FSTL5: variants seen among roughly 807,000 people sequenced by gnomAD.
FSTL5 encodes follistatin-related protein 5.
Under a neutral mutation model 89.1 loss-of-function variants are expected in FSTL5, and 62 were observed. The ratio of observed to expected loss-of-function variants is 0.70; its 90% CI spans 0.57 to 0.86. The LOEUF (loss-of-function observed/expected upper bound fraction) is 0.86, where lower values mean the gene tolerates loss of function less well. FSTL5 is among the 40% of genes least tolerant of loss of function. The pLI, the probability that FSTL5 is intolerant of heterozygous loss-of-function variation, is 0.00. For missense variants in FSTL5, 1,057 were observed against 1,001.6 expected (o/e 1.06, Z -0.75); for synonymous variants, 383 against 346.2 (o/e 1.11, Z -1.18).
At chr4:161,920,740 T>C (rs368079572) in intron 3 of FSTL5, 88 bp from the exon 4 acceptor site, 13 of 1,326,030 alleles carry the variant, frequency 9.8e-6, no homozygotes, top group South Asian at 8.9e-5. Context: ...AAAACAAGTG[T>C]TCTAAGAAAA....
chr4:161,562,618 T>C (rs1250307265), intron 8 of FSTL5, among the ~76,000 whole-genome samples: 1 of 114,398 alleles, frequency 8.7e-6, no homozygotes, highest in Non-Finnish European at 2.0e-5. Flanking sequence ...TTTTTCCTAA[T>C]ATTGTTTTTT....
chr4:161,860,105 A>G (rs34951811), intron 4 of FSTL5, among the ~76,000 whole-genome samples: 66,718 of 151,388 alleles, frequency 0.44, 15,103 homozygotes, highest in Admixed American at 0.51. Flanking sequence ...TGGCTAGCGC[A>G]GTGAAACCCC....
intron 2 of FSTL5, among the ~76,000 whole-genome samples, chr4:162,053,098 C>T (rs1347003340): frequency 6.6e-6 from 1 of 151,640 alleles, no homozygotes; most frequent in Non-Finnish European, 1.5e-5. Context: ...ATTATAGACA[C>T]TTGTCTGTGT....
intron 7 of FSTL5, among the ~76,000 whole-genome samples, chr4:161,591,279 A>T (rs1188062648): frequency 6.6e-6 from 1 of 152,176 alleles, no homozygotes; most frequent in Non-Finnish European, 1.5e-5. Context: ...GACATAGAAG[A>T]CGGATTTGTG....
intron 3 of FSTL5, among the ~76,000 whole-genome samples, chr4:162,015,567 T>TG (rs199525741): frequency 6.6e-6 from 1 of 152,134 alleles, no homozygotes; most frequent in Admixed American, 6.5e-5. Flanking sequence ...TAATGGGATA[T>TG]GGGGGGTGAT....
chr4:161,583,901 C>G (rs1443859092), intron 8 of FSTL5, among the ~76,000 whole-genome samples: 1 of 152,166 alleles, frequency 6.6e-6, no homozygotes, highest in Non-Finnish European at 1.5e-5. Flanking sequence ...ATCATGTCCT[C>G]TCTTGTGTCC....
intron 2 of FSTL5, among the ~76,000 whole-genome samples, chr4:162,094,634 T>A (rs908355331): frequency 6.6e-6 from 1 of 152,172 alleles, no homozygotes; most frequent in Non-Finnish European, 1.5e-5. Context: ...ACTGTAGGAT[T>A]CTATTTATTC....
At chr4:162,132,982 G>A (rs947063556) in intron 1 of FSTL5, among the ~76,000 whole-genome samples, 9 of 152,084 alleles carry the variant, frequency 5.9e-5, no homozygotes, top group African/African-American at 2.2e-4. Flanking sequence ...TCGCTCTGTC[G>A]CCCAGGCTGG....
At chr4:162,067,658 C>G (rs1339571692) in intron 2 of FSTL5, among the ~76,000 whole-genome samples, 1 of 152,026 alleles carries the variant, frequency 6.6e-6, no homozygotes, top group Admixed American at 6.6e-5. Context: ...ACAAAGATGA[C>G]CTCTCTTACC....
intron 14 of FSTL5, among the ~76,000 whole-genome samples, 190 bp downstream of exon 14, chr4:161,459,022 T>C (rs1290416798): frequency 6.6e-6 from 1 of 150,606 alleles, no homozygotes; most frequent in African/African-American, 2.5e-5. Flanking sequence ...ATACACATTA[T>C]CTATGATTTT....
At chr4:161,497,524 G>T (rs995471251) in intron 12 of FSTL5, among the ~76,000 whole-genome samples, 7 of 151,946 alleles carry the variant, frequency 4.6e-5, no homozygotes, top group African/African-American at 1.2e-4. Flanking sequence ...AATACTATTT[G>T]ATAGTTTTCT....
chr4:161,631,226 T>C (rs1411703098), intron 7 of FSTL5, among the ~76,000 whole-genome samples: 1 of 152,252 alleles, frequency 6.6e-6, no homozygotes, highest in Non-Finnish European at 1.5e-5. Flanking sequence ...AGTTTTCTCA[T>C]ATTCCTTTAG....
At chr4:161,952,300 A>C (rs186659491) in intron 3 of FSTL5, among the ~76,000 whole-genome samples, 8 of 152,114 alleles carry the variant, frequency 5.3e-5, no homozygotes, top group African/African-American at 1.4e-4. Flanking sequence ...AATATGCCTC[A>C]AGGGAACTAG....
intron 1 of FSTL5, among the ~76,000 whole-genome samples, chr4:162,141,319 G>A (rs1732736618): frequency 1.2e-5 from 1 of 84,514 alleles, no homozygotes; most frequent in African/African-American, 3.9e-5. Flanking sequence ...GTTTCACCAT[G>A]TTAGCCAGGA....
intron 4 of FSTL5, among the ~76,000 whole-genome samples, chr4:161,847,889 A>G (rs1731419076): frequency 6.6e-6 from 1 of 151,734 alleles, no homozygotes; most frequent in Admixed American, 6.6e-5. Context: ...TACAAAAATT[A>G]TCTGGGTGTG....
chr4:162,086,453 A>G (rs1206333367), intron 2 of FSTL5, among the ~76,000 whole-genome samples: 1 of 151,718 alleles, frequency 6.6e-6, no homozygotes, highest in Non-Finnish European at 1.5e-5. Context: ...AACGTTAACA[A>G]TTTATAGGAT....
intron 4 of FSTL5, among the ~76,000 whole-genome samples, chr4:161,887,844 T>C (rs1007758426): frequency 3.9e-5 from 6 of 152,200 alleles, no homozygotes; most frequent in Non-Finnish European, 7.3e-5. Flanking sequence ...TCATTCATTT[T>C]ACAAGTAAGG....
chr4:162,111,977 C>T (rs1371983710), intron 1 of FSTL5, among the ~76,000 whole-genome samples: 1 of 152,030 alleles, frequency 6.6e-6, no homozygotes, highest in East Asian at 1.9e-4. Flanking sequence ...AAAGGCATTT[C>T]CTAGAAAATT....
intron 8 of FSTL5, among the ~76,000 whole-genome samples, chr4:161,569,481 A>G (rs1293116025): frequency 2.0e-5 from 3 of 152,104 alleles, no homozygotes; most frequent in Non-Finnish European, 4.4e-5. Context: ...AAACAACTCA[A>G]AGGAGGTGTT....
Sources: gnomAD v4.1 joint callset for allele counts (sites outside exome capture counted in the v4.1 genomes callset) on GRCh38, gnomAD v4.1.1 for gene constraint, MANE v1.5 for transcripts, NCBI Gene and HGNC (gene_info 2026-07-23, HGNC 2026-07-21) for gene names.